Variants in NCR1 observed in about 807,000 individuals in gnomAD.
NCR1 encodes NK cell-activating receptor.
In NCR1, 30 loss-of-function variants were observed where a neutral mutation model predicts 32.5. That is an observed-to-expected ratio of 0.92 (90% CI 0.69 to 1.25). The LOEUF (loss-of-function observed/expected upper bound fraction) is 1.25, where lower values mean the gene tolerates loss of function less well. Ranked by LOEUF, NCR1 falls within the 50% of genes most tolerant of loss-of-function variation. The pLI, the probability that NCR1 is intolerant of heterozygous loss-of-function variation, is 0.00. For synonymous variants in NCR1, 169 were observed against 143.4 expected, an observed-to-expected ratio of 1.18 and a Z score of -1.28; for missense variants, 369 against 380.7, an observed-to-expected ratio of 0.97 and a Z score of 0.26.
chr19:54,934,802 C>T, the NCR1 span: 173 of 656,288 alleles, frequency 2.6e-4, no homozygotes, highest in East Asian at 2.3e-3. The surrounding 1 kb of genome is among the most constrained non-coding windows in gnomAD (Gnocchi z 6.7). Context: ...CTCCGCCTCC[C>T]GGGTTCAAGC....
chr19:54,935,907 C>T, the NCR1 span, among the ~76,000 whole-genome samples: 1 of 149,898 alleles, frequency 6.7e-6, no homozygotes, highest in Non-Finnish European at 1.5e-5. Flanking sequence ...CCCCCAAACC[C>T]GTCTGTGGAA....
chr19:54,910,618 G>A (rs1273737839), intron 5 of NCR1, among the ~76,000 whole-genome samples: 1 of 152,068 alleles, frequency 6.6e-6, no homozygotes, highest in South Asian at 2.1e-4. Context: ...TTCATCAAGT[G>A]CATAGTATAC....
the NCR1 span, among the ~76,000 whole-genome samples, chr19:54,899,721 C>T: frequency 6.6e-6 from 1 of 151,860 alleles, no homozygotes; most frequent in Non-Finnish European, 1.5e-5. Flanking sequence ...GGGTTCTTGC[C>T]CCCCCAGAAA....
chr19:54,919,985 GATT>G (rs1488700023), downstream of NCR1, among the ~76,000 whole-genome samples: 8 of 152,164 alleles, frequency 5.3e-5, no homozygotes, highest in African/African-American at 1.9e-4. Context: ...ATAGAGTGAG[GATT>G]ATTATAATAT....
At chr19:54,913,609 G>C (rs1170349856), downstream of NCR1, among the ~76,000 whole-genome samples, 1 of 152,108 alleles carries the variant, frequency 6.6e-6, no homozygotes, top group Non-Finnish European at 1.5e-5. Context: ...AGGCATTGTG[G>C]CAACAACCAG....
At chr19:54,903,790 AT>A (rs1005325577), upstream of NCR1, among the ~76,000 whole-genome samples, 3 of 151,028 alleles carry the variant, frequency 2.0e-5, no homozygotes, top group Admixed American at 6.6e-5. Context: ...TCTGCATAGA[AT>A]TTTTTTTTAT....
the NCR1 span, chr19:54,930,515 TAC>T: frequency 3.7e-6 from 6 of 1,610,206 alleles, no homozygotes; most frequent in Admixed American, 1.0e-4. Flanking sequence ...TGTTTTAGGT[TAC>T]AGTTTGGATT....
chr19:54,903,311 T>TAC (rs749493292), upstream of NCR1, among the ~76,000 whole-genome samples: 52 of 137,192 alleles, frequency 3.8e-4, 3 homozygotes, highest in Non-Finnish European at 7.5e-4. Context: ...CGTATATGTA[T>TAC]ACATACATGT....
the NCR1 span, among the ~76,000 whole-genome samples, chr19:54,927,333 A>G: frequency 6.6e-6 from 1 of 151,528 alleles, no homozygotes; most frequent in Non-Finnish European, 1.5e-5. Flanking sequence ...GTGAGCCAAG[A>G]TCGCACCACT....
the NCR1 span, among the ~76,000 whole-genome samples, chr19:54,935,944 G>A: frequency 1.7e-3 from 265 of 152,168 alleles, 3 homozygotes; most frequent in East Asian, 0.015. Flanking sequence ...AAACCGGCCC[G>A]CGGTGCAGAA....
At chr19:54,903,660 TATGTATACATATATGTATAA>T (rs1215262186), upstream of NCR1, among the ~76,000 whole-genome samples, 1 of 146,020 alleles carries the variant, frequency 6.8e-6, no homozygotes, top group Admixed American at 7.1e-5. Flanking sequence ...TATATGTATA[TATGTATACATATATGTATAA>T]ATGTATATAT....
chr19:54,909,732 C>T (rs929837900), intron 4 of NCR1, among the ~76,000 whole-genome samples: 4 of 151,806 alleles, frequency 2.6e-5, no homozygotes, highest in African/African-American at 7.3e-5. Flanking sequence ...GTCAGGAGTT[C>T]GAGACCAGCC....
upstream of NCR1, among the ~76,000 whole-genome samples, chr19:54,902,630 A>C (rs1232243219): frequency 6.6e-6 from 1 of 152,166 alleles, no homozygotes; most frequent in African/African-American, 2.4e-5. Flanking sequence ...TCAAAATAAT[A>C]AAAGACAATA....
chr19:54,911,681 C>T (rs587741882), intron 5 of NCR1, among the ~76,000 whole-genome samples: 19 of 152,096 alleles, frequency 1.2e-4, no homozygotes, highest in South Asian at 6.2e-4. Context: ...ACTCGGGAGG[C>T]GGAGGTTGCA....
At chr19:54,934,355 C>G in the NCR1 span, 1 of 897,294 alleles carries the variant, frequency 1.1e-6, no homozygotes, top group Non-Finnish European at 1.9e-6. The surrounding 1 kb of genome is among the most constrained non-coding windows in gnomAD (Gnocchi z 6.7). Flanking sequence ...GCAGGAGCCA[C>G]CGTGCCGGGC....
intron 2 of NCR1, 37 bp downstream of exon 2, chr19:54,906,371 G>C (rs587763731): frequency 1.2e-6 from 2 of 1,611,162 alleles, no homozygotes; most frequent in Non-Finnish European, 8.5e-7. Flanking sequence ...TCACTCTTCC[G>C]GATTCAGGCC....
the NCR1 span, among the ~76,000 whole-genome samples, chr19:54,935,261 G>A: frequency 9.9e-5 from 15 of 151,578 alleles, no homozygotes; most frequent in South Asian, 2.1e-4. Flanking sequence ...ACAGGATCTC[G>A]CTCTGTTGCC....
downstream of NCR1, among the ~76,000 whole-genome samples, chr19:54,919,673 G>A (rs2068204435): frequency 6.6e-6 from 1 of 151,246 alleles, no homozygotes; most frequent in South Asian, 2.1e-4. Context: ...ACAAGAGGTG[G>A]AGGAGCAGAG....
Position 54,909,385 on chromosome 19 carries a change from C to A in NCR1, c.496C>A (p.Arg166Ser), listed in dbSNP as rs2067829221. Residue 166 changes from arginine (R) to serine (S), a missense_variant, in exon 4 of 7, where the codon CGC (arginine) becomes AGC (serine). By Grantham distance (110) the Arg-to-Ser change is moderately radical. Coordinates refer to ENST00000291890, the MANE Select transcript of NCR1 (RefSeq NM_004829.7). ...LKEGRSSHVQRGYGKVQAEFP... is the reference protein window; with the variant it reads ...LKEGRSSHVQSGYGKVQAEFP... ...GGAGGGAAGATCCAGCCACGTACAG[C>A]GCGGATACGGGAAGGTCCAGGCGGA... The A allele has an allele frequency of 6.2e-7, 1 of 1,614,026 alleles. No individual in the cohort carries two copies. The highest frequency in any genetic ancestry group is 8.5e-7 in the Non-Finnish European group (1 of 1,180,004).
Sources: gnomAD v4.1 joint callset for allele counts (sites outside exome capture counted in the v4.1 genomes callset) on GRCh38, gnomAD v4.1.1 for gene constraint, Gnocchi (gnomAD v3.1) non-coding constraint, MANE v1.5 for transcripts, NCBI Gene and HGNC (gene_info 2026-07-23, HGNC 2026-07-21) for gene names.